The following SKAP2 variants were observed in gnomAD, a reference collection of about 807,000 sequenced individuals.
The protein encoded by SKAP2 is src kinase-associated phosphoprotein 2.
In SKAP2, 28 loss-of-function variants were observed where a neutral mutation model predicts 54.9. That is an observed-to-expected ratio of 0.51 (90% CI 0.38 to 0.70). The LOEUF is 0.70. Ranked by LOEUF, SKAP2 falls within the 30% of genes least tolerant of loss-of-function variation. SKAP2 has a pLI of 0.00. For missense variants in SKAP2, 356 were observed against 424.1 expected (o/e 0.84, Z 1.41); for synonymous variants, 137 against 134.3 (o/e 1.02, Z -0.14).
At chr7:26,714,433 C>T (rs975289776) in intron 9 of SKAP2, among the ~76,000 whole-genome samples, 6 of 152,072 alleles carry the variant, frequency 3.9e-5, no homozygotes, top group African/African-American at 7.2e-5. Flanking sequence ...CATCTATAAA[C>T]GAATGTTTTA....
chr7:26,725,386 ACAGCCC>A, intron 9 of SKAP2, 36 bp downstream of exon 9: 1 of 1,490,806 alleles, frequency 6.7e-7, no homozygotes, highest in Middle Eastern at 1.8e-4. Context: ...ACACACACAC[ACAGCCC>A]TAAAATCTTT....
chr7:26,688,380 C>T (rs1786696666), intron 10 of SKAP2, among the ~76,000 whole-genome samples: 1 of 152,100 alleles, frequency 6.6e-6, no homozygotes, highest in Non-Finnish European at 1.5e-5. Context: ...TGCTTACATA[C>T]TTTACATTAG....
chr7:26,824,210 G>T (rs546034124), intron 4 of SKAP2, among the ~76,000 whole-genome samples: 13 of 152,124 alleles, frequency 8.5e-5, no homozygotes, highest in African/African-American at 2.9e-4. Flanking sequence ...CCAGCAAAAA[G>T]GTTATAATTC....
chr7:26,837,451 G>A (rs576881816), intron 4 of SKAP2, among the ~76,000 whole-genome samples: 10 of 152,082 alleles, frequency 6.6e-5, no homozygotes, highest in Non-Finnish European at 8.8e-5. Flanking sequence ...AATCATGGTG[G>A]AAGGCAAAGC....
At chr7:26,849,214 T>G (rs1784987706) in intron 3 of SKAP2, among the ~76,000 whole-genome samples, 1 of 152,224 alleles carries the variant, frequency 6.6e-6, no homozygotes, top group Non-Finnish European at 1.5e-5. Flanking sequence ...AGAAACAGCA[T>G]GAGTGAGAAG....
intron 4 of SKAP2, among the ~76,000 whole-genome samples, chr7:26,838,160 A>G (rs1295640123): frequency 1.3e-5 from 2 of 152,146 alleles, no homozygotes; most frequent in Non-Finnish European, 2.9e-5. Flanking sequence ...TTCCAGGACA[A>G]TATCCCTCAA....
At chr7:26,784,698 G>T (rs1783502908) in intron 4 of SKAP2, among the ~76,000 whole-genome samples, 1 of 152,204 alleles carries the variant, frequency 6.6e-6, no homozygotes, top group African/African-American at 2.4e-5. Context: ...CACAGTGGGA[G>T]TTCAAAGTCA....
chr7:26,800,310 T>C (rs1783886005), intron 4 of SKAP2, among the ~76,000 whole-genome samples: 1 of 151,926 alleles, frequency 6.6e-6, no homozygotes, highest in Non-Finnish European at 1.5e-5. Flanking sequence ...ATTGAAAAAT[T>C]TCTTCAAACA....
At chr7:26,717,141 T>G (rs917017525) in intron 9 of SKAP2, among the ~76,000 whole-genome samples, 2 of 152,064 alleles carry the variant, frequency 1.3e-5, no homozygotes, top group African/African-American at 4.8e-5. Context: ...AGGAAGGTAC[T>G]CTGGGTGTCT....
intron 9 of SKAP2, among the ~76,000 whole-genome samples, chr7:26,714,396 C>A (rs1374646662): frequency 6.6e-6 from 1 of 152,114 alleles, no homozygotes; most frequent in African/African-American, 2.4e-5. Context: ...CGTAAAAATT[C>A]TAATGAAGTT....
chr7:26,820,984 C>T (rs1045867380), intron 4 of SKAP2, among the ~76,000 whole-genome samples: 7 of 152,070 alleles, frequency 4.6e-5, no homozygotes, highest in African/African-American at 1.7e-4. Flanking sequence ...GAAACTAAGG[C>T]TTAAACAGAA....
intron 11 of SKAP2, among the ~76,000 whole-genome samples, chr7:26,680,062 C>G (rs1167208765): frequency 3.9e-5 from 6 of 152,192 alleles, no homozygotes; most frequent in African/African-American, 1.4e-4. Context: ...ATTCTTAACT[C>G]TCATTTTTCT....
chr7:26,739,987 A>C, intron 4 of SKAP2, 23 bp from the exon 5 acceptor site: 1 of 1,516,884 alleles, frequency 6.6e-7, no homozygotes, highest in Non-Finnish European at 9.0e-7. Context: ...GGGGAGAGAA[A>C]AAAAAAAGCA....
At chr7:26,676,522 G>A (rs528162454) in intron 11 of SKAP2, among the ~76,000 whole-genome samples, 6 of 151,944 alleles carry the variant, frequency 3.9e-5, no homozygotes, top group South Asian at 2.1e-4. Flanking sequence ...GTTGAGCCTC[G>A]ATTTCTTTAC....
At chr7:26,803,603 C>A (rs1410983832) in intron 4 of SKAP2, among the ~76,000 whole-genome samples, 1 of 152,156 alleles carries the variant, frequency 6.6e-6, no homozygotes, top group East Asian at 1.9e-4. Context: ...TAGGATCCAG[C>A]AATCCCACTG....
chr7:26,666,376 C>T (rs1786105509), downstream of SKAP2, among the ~76,000 whole-genome samples: 1 of 152,092 alleles, frequency 6.6e-6, no homozygotes, highest in Non-Finnish European at 1.5e-5. Context: ...TAAATTATGA[C>T]CCTGGATAGT....
chr7:26,801,582 T>G (rs1783916641), intron 4 of SKAP2, among the ~76,000 whole-genome samples: 1 of 152,266 alleles, frequency 6.6e-6, no homozygotes, highest in South Asian at 2.1e-4. Context: ...TGTTTGCCAA[T>G]AATATGATCT....
At chr7:26,790,276 T>C (rs1241451301) in intron 4 of SKAP2, among the ~76,000 whole-genome samples, 1 of 152,210 alleles carries the variant, frequency 6.6e-6, no homozygotes, top group Admixed American at 6.5e-5. Context: ...CCATAAAAGT[T>C]TGCTGACCTA....
At chr7:26,846,775 G>C (rs1584424119) in intron 3 of SKAP2, among the ~76,000 whole-genome samples, 1 of 152,184 alleles carries the variant, frequency 6.6e-6, no homozygotes, top group Non-Finnish European at 1.5e-5. Context: ...GAGCTCAGGA[G>C]TTTGAGACCA....
Sources: allele counts gnomAD v4.1 joint callset (sites outside exome capture counted in the v4.1 genomes callset), GRCh38; gene constraint gnomAD v4.1.1; transcripts MANE v1.5; gene names NCBI Gene and HGNC (gene_info 2026-07-23, HGNC 2026-07-21).